Variants in RYR2 observed in about 807,000 individuals in gnomAD.
RYR2 encodes the protein cardiac muscle ryanodine receptor-calcium release channel.
In RYR2, 227 loss-of-function variants were observed where a neutral mutation model predicts 601.1. The ratio of observed to expected loss-of-function variants is 0.38; its 90% CI spans 0.34 to 0.42. The LOEUF (loss-of-function observed/expected upper bound fraction) is 0.42, where lower values mean the gene tolerates loss of function less well. RYR2 is among the 10% of genes least tolerant of loss of function. The probability of loss-of-function intolerance (pLI) is 1.00; values close to 1 mark genes in which losing one functional copy is unlikely to be tolerated. For synonymous variants in RYR2, 2,223 were observed against 2,175.1 expected (o/e 1.02, Z -0.61); for missense variants, 4,646 against 6,156.5 (o/e 0.75, Z 8.21).
chr1:237,720,166 T>G (rs1689602779), intron 73 of RYR2, among the ~76,000 whole-genome samples: 1 of 152,232 alleles, frequency 6.6e-6, no homozygotes, highest in South Asian at 2.1e-4. Context: ...GTTTTAAAAG[T>G]CAAGCTAGTA....
chr1:237,686,130 G>A (rs376271400), intron 62 of RYR2, among the ~76,000 whole-genome samples: 6 of 152,216 alleles, frequency 3.9e-5, no homozygotes, highest in South Asian at 2.1e-4. Flanking sequence ...GGAGCTGCAC[G>A]TTTGATCACA....
chr1:237,146,054 T>C (rs748266670), intron 1 of RYR2, among the ~76,000 whole-genome samples: 3 of 152,182 alleles, frequency 2.0e-5, no homozygotes, highest in Non-Finnish European at 4.4e-5. Context: ...ATAATAGATA[T>C]TGACTGCAGA....
chr1:237,631,079 A>G (rs760467483), intron 41 of RYR2, among the ~76,000 whole-genome samples: 20 of 152,344 alleles, frequency 1.3e-4, no homozygotes, highest in South Asian at 1.0e-3. Context: ...TTATATAAAC[A>G]TGGTATAACA....
intron 2 of RYR2, among the ~76,000 whole-genome samples, chr1:237,311,546 C>T (rs1480822193): frequency 1.3e-5 from 2 of 150,326 alleles, no homozygotes; most frequent in African/African-American, 2.5e-5. Flanking sequence ...GTGGCAAGAT[C>T]TTGGCTCAGG....
chr1:237,677,107 A>G (rs1035595878), intron 60 of RYR2, among the ~76,000 whole-genome samples: 1 of 152,164 alleles, frequency 6.6e-6, no homozygotes, highest in South Asian at 2.1e-4. Flanking sequence ...CCTATAAATT[A>G]TATTGTATTT....
At chr1:237,089,260 G>C (rs1336835026) in intron 1 of RYR2, among the ~76,000 whole-genome samples, 1 of 152,194 alleles carries the variant, frequency 6.6e-6, no homozygotes, top group African/African-American at 2.4e-5. Flanking sequence ...TAATATCTAG[G>C]TAGGCCTGTT....
chr1:237,390,057 G>C (rs1702253049), intron 10 of RYR2, among the ~76,000 whole-genome samples: 1 of 152,154 alleles, frequency 6.6e-6, no homozygotes, highest in African/African-American at 2.4e-5. Flanking sequence ...GTCAGCAAGA[G>C]AGTCAGAGTG....
At chr1:237,320,248 AT>A (rs1403051678) in intron 2 of RYR2, among the ~76,000 whole-genome samples, 1 of 152,142 alleles carries the variant, frequency 6.6e-6, no homozygotes, top group Non-Finnish European at 1.5e-5. Flanking sequence ...CATATAATTT[AT>A]TTAAAAAATG....
intron 10 of RYR2, among the ~76,000 whole-genome samples, chr1:237,388,609 G>C (rs934602509): frequency 1.3e-5 from 2 of 152,068 alleles, no homozygotes; most frequent in Non-Finnish European, 2.9e-5. Context: ...CTCATTTATT[G>C]ATACAGATGA....
At chr1:237,495,201 T>C (rs1663935148) in intron 19 of RYR2, among the ~76,000 whole-genome samples, 1 of 152,210 alleles carries the variant, frequency 6.6e-6, no homozygotes, top group Non-Finnish European at 1.5e-5. Context: ...CTTAAATTTA[T>C]AGATGTTTAC....
intron 1 of RYR2, among the ~76,000 whole-genome samples, chr1:237,262,245 G>GTTTGTTTTTTTT (rs1688600429): frequency 1.6e-5 from 1 of 61,106 alleles, no homozygotes; most frequent in Non-Finnish European, 2.8e-5. Flanking sequence ...GTTCTAAAGA[G>GTTTGTTTTTTTT]TTTTTTTTTT....
chr1:237,358,325 G>A (rs550772237), intron 4 of RYR2, among the ~76,000 whole-genome samples: 1 of 152,102 alleles, frequency 6.6e-6, no homozygotes, highest in Non-Finnish European at 1.5e-5. Context: ...GGATATCTGG[G>A]AAGCTGTTTC....
At chr1:237,753,031 G>C (rs939372516) in intron 80 of RYR2, among the ~76,000 whole-genome samples, 3 of 152,186 alleles carry the variant, frequency 2.0e-5, no homozygotes, top group African/African-American at 7.2e-5. Flanking sequence ...TTTGTATGAT[G>C]CACAGATGAT....
At chr1:237,045,052 G>A (rs185694862) in intron 1 of RYR2, among the ~76,000 whole-genome samples, 1 of 151,692 alleles carries the variant, frequency 6.6e-6, no homozygotes, top group African/African-American at 2.4e-5. Context: ...TGATAGTGAT[G>A]GATGAAGCTG....
Position 237,116,545 on chromosome 1 carries a change from A to C in RYR2, c.48+73976A>C, listed in dbSNP as rs1670103318. On this transcript the variant is annotated intron_variant, in intron 1 of 104. Transcript: ENST00000366574. ...TATATATTTATACACATGTACACAC[A>C]TATATACATACACATACACATATAT... Among the ~76,000 whole-genome samples the C allele has an allele frequency of 4.0e-5, 6 of 150,886 alleles. No individual in the cohort carries two copies. In the South Asian group the frequency reaches 1.2e-3, roughly 31 times the overall value.
intron 80 of RYR2, among the ~76,000 whole-genome samples, chr1:237,752,158 C>A (rs1016998358): frequency 6.6e-6 from 1 of 152,148 alleles, no homozygotes; most frequent in African/African-American, 2.4e-5. Context: ...AAAGCCCGCT[C>A]TCTTCATGGA....
chr1:237,724,934 G>A (rs1690075135), intron 74 of RYR2, among the ~76,000 whole-genome samples: 3 of 151,938 alleles, frequency 2.0e-5, no homozygotes, highest in Admixed American at 2.0e-4. Flanking sequence ...ATGAATGATG[G>A]CATTTCTCAA....
intron 1 of RYR2, among the ~76,000 whole-genome samples, chr1:237,233,854 T>A (rs911271755): frequency 6.6e-6 from 1 of 150,870 alleles, no homozygotes; most frequent in African/African-American, 2.4e-5. Context: ...GCCTGGCTAA[T>A]TTTTGTATTT....
At chr1:237,177,833 G>A (rs937318706) in intron 1 of RYR2, among the ~76,000 whole-genome samples, 3 of 152,066 alleles carry the variant, frequency 2.0e-5, no homozygotes, top group Admixed American at 6.6e-5. Flanking sequence ...TAGAGTATGG[G>A]CATGCTCATT....
Sources: gnomAD v4.1 joint callset for allele counts (sites outside exome capture counted in the v4.1 genomes callset) on GRCh38, gnomAD v4.1.1 for gene constraint, MANE v1.5 for transcripts, NCBI Gene and HGNC (gene_info 2026-07-23, HGNC 2026-07-21) for gene names.